CNTROB: variants seen among roughly 807,000 people sequenced by gnomAD.
The protein encoded by CNTROB is centrobin.
A neutral mutation model predicts 115.7 loss-of-function variants in CNTROB; 82 were observed. The observed-to-expected ratio is 0.71, with a 90% CI of 0.59 to 0.85. The LOEUF is 0.85. Among genes scored for constraint, CNTROB ranks in the 40% least tolerant of loss-of-function variants. The pLI is 0.00. For missense variants in CNTROB, 1,014 were observed against 1,144.4 expected (o/e 0.89, Z 1.64); for synonymous variants, 439 against 456.4 (o/e 0.96, Z 0.49).
At position 7,934,526 on chromosome 17, in the gene CNTROB, T is replaced by C. The variant is rs748904034; in HGVS notation, c.417T>C (p.Asp139=). ...GGGAAGAGGACTCCTTTGACAGTGA[T>C]AGCACAGCCACCTTGCTCAAGTGAG... The part of the protein sequence containing the change: ...ERREEDSFDS[D]STATLLNTRP... Residue 139 remains aspartate (D), a synonymous_variant, in exon 3 of 19, where the codon GAT becomes GAC. Transcript: ENST00000563694. The C allele has an allele frequency of 8.7e-6, 14 of 1,614,072 alleles. No individual in the cohort carries two copies. The highest frequency in any genetic ancestry group is 1.1e-5 in the Non-Finnish European group (13 of 1,179,900).
Position 7,949,146 on chromosome 17 carries a change from C to T in CNTROB, c.2575C>T (p.Pro859Ser). Residue 859 changes from proline to serine, a missense_variant, in exon 18 of 19, where the codon CCC becomes TCC. Coordinates refer to ENST00000563694, the MANE Select transcript of CNTROB (RefSeq NM_053051.5). ...CACAGACTCCCGCTTGGGTGAGATC[C>T]CCCGGAAAGAGGTGAGGGAAAGTCA... ...RNTDSRLGEI[P>S]RKEIPSQAVP... 1.2e-6 allele frequency: 2 copies of T among 1,614,006 alleles called. No individual in the cohort carries two copies. The highest frequency in any genetic ancestry group is 1.7e-6 in the Non-Finnish European group (2 of 1,179,954).
chr17:7,932,330 G>GACCACC lies in CNTROB; in HGVS notation c.-750_-749insACCACC. On this transcript the variant is annotated 5_prime_UTR_variant, in exon 1 of 19. Coordinates refer to ENST00000563694, the MANE Select transcript of CNTROB (RefSeq NM_053051.5). ...ATTGGGGACTGAGGACTGGAAGGGTGGAGAGTAGGCGGAACCAGGTGGTCG... is the reference window on the plus strand; with the variant it reads ...ATTGGGGACTGAGGACTGGAAGGGTGACCACCGAGAGTAGGCGGAACCAGGTGGTCG... The GACCACC allele has an allele frequency of 5.7e-6, 1 of 176,508 alleles. No homozygotes were observed. Among genetic ancestry groups the GACCACC allele is most frequent in the Non-Finnish European group, 1.2e-5 (1 of 81,836 alleles). The allele number at this position is 176,508 out of a possible 1,614,324, so 10.9% of individuals were successfully genotyped here.
In CNTROB at chr17:7,934,178, G is replaced by T; in HGVS notation, c.311G>T (p.Gly104Val). Residue 104 changes from glycine to valine, a missense_variant, in exon 2 of 19, where the codon GGT becomes GTT. Gly to Val is a moderately radical substitution (Grantham distance 109, BLOSUM62 -3). Transcript: ENST00000563694. ...KHIFEMESVR[G>V]QLQTMLQTSR... Reference sequence around the variant, plus strand: ...ATCTTTGAGATGGAAAGTGTTCGGGGTCAGCTCCAGACCATGCTCCAAACC... The same window carrying T: ...ATCTTTGAGATGGAAAGTGTTCGGGTTCAGCTCCAGACCATGCTCCAAACC... 3 of 1,614,156 alleles carry T rather than the reference G, an allele frequency of 1.9e-6. 1 individual carries two copies. In the South Asian group the frequency reaches 3.3e-5, roughly 18 times the overall value.
rs140119271 is a variant in CNTROB, at chr17:7,944,762, C to T, written c.1734+124C>T. The T allele has an allele frequency of 1.4e-5, 16 of 1,173,002 alleles. No individual in the cohort carries two copies. The highest frequency in any genetic ancestry group is 1.7e-5 in the Non-Finnish European group (15 of 858,418). 72.7% of individuals were successfully genotyped at this position (1,173,002 alleles called of 1,614,324 possible). A position where few individuals can be genotyped will look rare whatever the true frequency, so the allele number is the denominator to read the frequency against. On this transcript the variant is annotated intron_variant, in intron 12 of 18. Transcript: ENST00000563694. This position sits in a 1 kb window ranked among gnomAD's most constrained non-coding sequence, Gnocchi z 4.0. ...GTGAGATCATAGCTCATTGCAGCCT[C>T]GAACTCCTGGGCTCAAGTGATCCTC...
At chr17:7,938,630 A>C (rs1973485672) in intron 7 of CNTROB, among the ~76,000 whole-genome samples, 1 of 152,188 alleles carries the variant, frequency 6.6e-6, no homozygotes, top group Admixed American at 6.5e-5. Context: ...CCCTGTTATG[A>C]TCTCCAGTTT....
Position 7,948,756 on chromosome 17 carries a change from CAGA to C in CNTROB, c.2513+138_2513+140del, listed in dbSNP as rs938649003. 5 of 1,593,110 alleles carry C rather than the reference CAGA, an allele frequency of 3.1e-6. No individual in the cohort carries two copies. In the African/African-American group the frequency reaches 5.4e-5, roughly 17 times the overall value. On this transcript the variant is annotated intron_variant, in intron 17 of 18. Coordinates refer to ENST00000563694, the MANE Select transcript of CNTROB (RefSeq NM_053051.5). This position sits in a 1 kb window ranked among gnomAD's most constrained non-coding sequence, Gnocchi z 4.4. ...AAGTGAAGGATGAGAGGTGGATCCACAGATCTTCTCTAACTGCCCCACACTTTT... is the reference window on the plus strand; with the variant it reads ...AAGTGAAGGATGAGAGGTGGATCCACTCTTCTCTAACTGCCCCACACTTTT...
rs1350323177 is a variant in CNTROB, at chr17:7,939,669, T to A, written c.1084T>A (p.Trp362Arg). Residue 362 changes from tryptophan (W) to arginine (R), a missense_variant, in exon 8 of 19, where the codon TGG (tryptophan) becomes AGG (arginine). Transcript: ENST00000563694. The surrounding 1 kb of genome is among the most constrained non-coding windows in gnomAD (Gnocchi z 4.4). ...TGCCCTAGAAGAAGAACGGCAGACCTGGGCCCAGCAAGAGCACCAGCTTAA... is the reference window on the plus strand; with the variant it reads ...TGCCCTAGAAGAAGAACGGCAGACCAGGGCCCAGCAAGAGCACCAGCTTAA... ...RAALEEERQT[W>R]AQQEHQLKEH... is the part of the protein sequence containing the mutation. 2 of 1,613,870 alleles carry A rather than the reference T, an allele frequency of 1.2e-6. No homozygotes were observed. The highest frequency in any genetic ancestry group is 2.7e-5 in the African/African-American group (2 of 74,860).
At chr17:7,937,534 T>G (rs1973327049) in intron 7 of CNTROB, among the ~76,000 whole-genome samples, 1 of 152,198 alleles carries the variant, frequency 6.6e-6, no homozygotes, top group Admixed American at 6.5e-5. Flanking sequence ...CTAGGCACGG[T>G]GGCTCACCCC....
intron 8 of CNTROB, 83 bp from the exon 9 acceptor site, chr17:7,940,013 G>A (rs1397242630): frequency 1.7e-5 from 25 of 1,453,884 alleles, no homozygotes; most frequent in Non-Finnish European, 2.1e-5. Flanking sequence ...GGATTTTAGG[G>A]TTTGGGAGGA....
Position 7,943,635 on chromosome 17 carries a change from G to A in CNTROB, c.1445+111G>A. On this transcript the variant is annotated intron_variant, in intron 10 of 18. Transcript: ENST00000563694. The surrounding 1 kb of genome is among the most constrained non-coding windows in gnomAD (Gnocchi z 4.7). ...CATGGTCCAGCACTGTGACTCCCAG[G>A]GTGCGCTAACTCCCATCAGCTGGGA... The A allele has an allele frequency of 6.7e-6, 8 of 1,196,710 alleles. No homozygotes were observed. Among genetic ancestry groups the A allele is most frequent in the Non-Finnish European group, 9.1e-6 (8 of 876,768 alleles). 74.1% of individuals were successfully genotyped at this position (1,196,710 alleles called of 1,614,324 possible).
rs1230337938 is a variant in CNTROB, at chr17:7,948,880, G to C, written c.2514-205G>C. The C allele has an allele frequency of 4.8e-6, 7 of 1,456,340 alleles. No homozygotes were observed. The African/African-American group carries it at 5.7e-5, about 12-fold the overall frequency. The allele number at this position is 1,456,340 out of a possible 1,614,324, so 90.2% of individuals were successfully genotyped here. On this transcript the variant is annotated intron_variant, in intron 17 of 18. Coordinates refer to ENST00000563694, the MANE Select transcript of CNTROB (RefSeq NM_053051.5). The surrounding 1 kb of genome is among the most constrained non-coding windows in gnomAD (Gnocchi z 4.4). ...TCGTTTTTTTCCTCTTTACCCCTCA[G>C]CTCAAAACTCAGAATCCTAGACTTT...
rs1421182283 is a variant in CNTROB, at chr17:7,944,599, C to T, written c.1695C>T (p.Asn565=). The T allele has an allele frequency of 1.2e-6, 2 of 1,613,856 alleles. No homozygotes were observed. Among genetic ancestry groups the T allele is most frequent in the Admixed American group, 3.3e-5 (2 of 59,988 alleles). The stretch of plus-strand genomic sequence containing the variant: ...TGCAGGCCCACTGGGATGAGGCCAA[C>T]CAGCTGCTCAGCACCACTCTCCCGC... ...AMLQAHWDEA[N]QLLSTTLPPP... The change falls in exon 12 of 19, where the codon AAC becomes AAT. Residue 565 remains asparagine (N), a synonymous_variant. Transcript: ENST00000563694. This position sits in a 1 kb window ranked among gnomAD's most constrained non-coding sequence, Gnocchi z 4.0.
In CNTROB at chr17:7,936,372, G is replaced by A. The variant is rs1973172431; in HGVS notation, c.601G>A (p.Glu201Lys). ...TCCTCACCCTTTTCCCCAGCATTGTGAGCGCCATATTCAGAGCCTGCAGAC... is the reference window on the plus strand; with the variant it reads ...TCCTCACCCTTTTCCCCAGCATTGTAAGCGCCATATTCAGAGCCTGCAGAC... ...DSEHTRRKHCERHIQSLQTRV... is the reference protein window; with the variant it reads ...DSEHTRRKHCKRHIQSLQTRV... The change falls in exon 5 of 19, where the codon GAG becomes AAG. Residue 201 changes from glutamate (E) to lysine (K), a missense_variant. Glu to Lys is a moderately conservative substitution (Grantham distance 56, BLOSUM62 1). Coordinates refer to ENST00000563694, the MANE Select transcript of CNTROB (RefSeq NM_053051.5). 7.2e-7 allele frequency: 1 copy of A among 1,396,790 alleles called. No homozygotes were observed. The highest frequency in any genetic ancestry group is 1.4e-5 in the African/African-American group (1 of 70,444). 86.5% of individuals were successfully genotyped at this position (1,396,790 alleles called of 1,614,324 possible).
Position 7,948,328 on chromosome 17 carries a change from G to A in CNTROB, c.2380+1G>A, listed in dbSNP as rs764867525. ...CCCAGCAGTGGTTCCCCAGAGAGAG[G>A]TGAGCATGTTCTGGTTTATTAGGGA... On this transcript the variant is annotated splice_donor_variant, in intron 16 of 18. Coordinates refer to ENST00000563694, the MANE Select transcript of CNTROB (RefSeq NM_053051.5). LOFTEE classifies it high-confidence loss of function. The surrounding 1 kb of genome is among the most constrained non-coding windows in gnomAD (Gnocchi z 4.4). 1 of 1,614,096 alleles carries A rather than the reference G, an allele frequency of 6.2e-7. No individual in the cohort carries two copies. Among genetic ancestry groups the A allele is most frequent in the South Asian group, 1.1e-5 (1 of 91,070 alleles).
intron 3 of CNTROB, 102 bp from the exon 4 acceptor site, chr17:7,934,887 C>A: frequency 7.6e-7 from 1 of 1,321,462 alleles, no homozygotes; most frequent in Non-Finnish European, 1.0e-6. Flanking sequence ...AAGTCTCTTG[C>A]CCTCTCTGGG....
chr17:7,944,665 T>C lies in CNTROB; in HGVS notation c.1734+27T>C. 3 of 1,583,484 alleles carry C rather than the reference T, an allele frequency of 1.9e-6. No individual in the cohort carries two copies. The highest frequency in any genetic ancestry group is 2.6e-6 in the Non-Finnish European group (3 of 1,163,926). On this transcript the variant is annotated intron_variant, in intron 12 of 18. Coordinates refer to ENST00000563694, the MANE Select transcript of CNTROB (RefSeq NM_053051.5). This position sits in a 1 kb window ranked among gnomAD's most constrained non-coding sequence, Gnocchi z 4.0. ...TACGCCTTACCCCTTGAGCTAAGCT[T>C]CTCCGTTATGTTCTATTTTTATTTT...
At position 7,948,412 on chromosome 17, in the gene CNTROB, T is replaced by C. The variant is rs1185962242; in HGVS notation, c.2381-75T>C. 3 of 1,609,338 alleles carry C rather than the reference T, an allele frequency of 1.9e-6. No homozygotes were observed. Among genetic ancestry groups the C allele is most frequent in the Admixed American group, 1.7e-5 (1 of 59,924 alleles). Reference sequence around the variant, plus strand: ...TACAGGCACTTACAGTCCTTCTGAATTCCTGGGGAAATGGGCTGAGGGCTG... The same window carrying C: ...TACAGGCACTTACAGTCCTTCTGAACTCCTGGGGAAATGGGCTGAGGGCTG... On this transcript the variant is annotated intron_variant, in intron 16 of 18. Transcript: ENST00000563694. This position sits in a 1 kb window ranked among gnomAD's most constrained non-coding sequence, Gnocchi z 4.4.
intron 7 of CNTROB, among the ~76,000 whole-genome samples, chr17:7,937,532 G>A (rs986639927): frequency 2.6e-5 from 4 of 152,114 alleles, no homozygotes; most frequent in African/African-American, 7.2e-5. Flanking sequence ...GGCTAGGCAC[G>A]GTGGCTCACC....
At position 7,944,458 on chromosome 17, in the gene CNTROB, C is replaced by T. The variant is rs763770068; in HGVS notation, c.1572-18C>T. 3 of 1,610,850 alleles carry T rather than the reference C, an allele frequency of 1.9e-6. No homozygotes were observed. In the South Asian group the frequency reaches 3.3e-5, roughly 18 times the overall value. ...CTTCCTTAAAGGCCCTGAGTCACTT[C>T]TTCTCTCTTTGCTTCAGACTGGCCC... is the stretch of plus-strand genomic sequence containing the variant. On this transcript the variant is annotated intron_variant, in intron 11 of 18. Coordinates refer to ENST00000563694, the MANE Select transcript of CNTROB (RefSeq NM_053051.5). This position sits in a 1 kb window ranked among gnomAD's most constrained non-coding sequence, Gnocchi z 4.0.
Sources: gnomAD v4.1 joint callset for allele counts (sites outside exome capture counted in the v4.1 genomes callset) on GRCh38, gnomAD v4.1.1 for gene constraint, Gnocchi (gnomAD v3.1) non-coding constraint, MANE v1.5 for transcripts, NCBI Gene and HGNC (gene_info 2026-07-23, HGNC 2026-07-21) for gene names.